The following UBAC2 variants were observed in gnomAD, a reference collection of about 807,000 sequenced individuals.
The protein encoded by UBAC2 is ubiquitin-associated domain-containing protein 2.
In UBAC2, 26 loss-of-function variants were observed where a neutral mutation model predicts 44.0. That is an observed-to-expected ratio of 0.59 (90% confidence interval 0.43 to 0.82). The LOEUF is 0.82. Among genes scored for constraint, UBAC2 ranks in the 40% least tolerant of loss-of-function variants. The pLI, the probability that UBAC2 is intolerant of heterozygous loss-of-function variation, is 0.00. For synonymous variants in UBAC2, 155 were observed against 154.3 expected, an observed-to-expected ratio of 1.00 and a Z score of -0.04; for missense variants, 329 against 419.4, an observed-to-expected ratio of 0.78 and a Z score of 1.88.
At chr13:99,356,656 C>G (rs1566519796) in intron 7 of UBAC2, among the ~76,000 whole-genome samples, 1 of 152,188 alleles carries the variant, frequency 6.6e-6, no homozygotes, top group Non-Finnish European at 1.5e-5. Flanking sequence ...CCTACTGAGA[C>G]TACTGCTAAG....
At chr13:99,338,079 A>T (rs2044826850) in intron 6 of UBAC2, among the ~76,000 whole-genome samples, 1 of 46,474 alleles carries the variant, frequency 2.2e-5, no homozygotes, top group Non-Finnish European at 3.7e-5. Flanking sequence ...TTTTTTTGAG[A>T]CAGAGTCTCA....
intron 6 of UBAC2, among the ~76,000 whole-genome samples, chr13:99,325,098 C>CTTTTTTT (rs55672515): frequency 1.0e-4 from 9 of 86,140 alleles, no homozygotes; most frequent in South Asian, 4.4e-4. Context: ...TGTCTATGCT[C>CTTTTTTT]TTTTTTTTTT....
In UBAC2 at chr13:99,295,387, A is replaced by C; in HGVS notation, c.390-18710A>C. On this transcript the variant is annotated intron_variant, in intron 4 of 8. Transcript: ENST00000403766. The surrounding 1 kb of genome is among the most constrained non-coding windows in gnomAD (Gnocchi z 4.1). ...CATGGTAAGGTGTGAAACAGAGAAC[A>C]AACACAACAATAATAAGAATAATTG... is the stretch of plus-strand genomic sequence containing the variant. The C allele has an allele frequency of 6.2e-7, 1 of 1,614,164 alleles. No individual in the cohort carries two copies. The highest frequency in any genetic ancestry group is 8.5e-7 in the Non-Finnish European group (1 of 1,179,996).
At chr13:99,326,735 C>G (rs943309709) in intron 6 of UBAC2, among the ~76,000 whole-genome samples, 3 of 152,114 alleles carry the variant, frequency 2.0e-5, no homozygotes, top group East Asian at 1.9e-4. Context: ...GTGTTCTGCT[C>G]CAGGCCCAGT....
chr13:99,318,771 G>A (rs1004854394), intron 6 of UBAC2, among the ~76,000 whole-genome samples: 15 of 146,736 alleles, frequency 1.0e-4, no homozygotes, highest in Non-Finnish European at 1.6e-4. Flanking sequence ...GCAGTGAGCC[G>A]AGGTGGCGCC....
At chr13:99,368,718 T>TGTGTAC (rs1221258145) in intron 8 of UBAC2, among the ~76,000 whole-genome samples, 3 of 151,972 alleles carry the variant, frequency 2.0e-5, no homozygotes, top group African/African-American at 7.3e-5. Context: ...TGTGTGTGTG[T>TGTGTAC]GTGTGTGTAC....
chr13:99,367,713 G>C, intron 7 of UBAC2, 74 bp from the exon 8 acceptor site: 1 of 1,595,312 alleles, frequency 6.3e-7, no homozygotes, highest in Non-Finnish European at 8.6e-7. Flanking sequence ...ACTGCATTGA[G>C]AGAAAGCTCT....
chr13:99,213,453 C>T (rs180814260), intron 1 of UBAC2, among the ~76,000 whole-genome samples: 1 of 151,350 alleles, frequency 6.6e-6, no homozygotes, highest in East Asian at 2.0e-4. Flanking sequence ...TGCTGCCTCC[C>T]GGGTTCAAGT....
At chr13:99,316,999 A>G (rs1418711170) in intron 5 of UBAC2, among the ~76,000 whole-genome samples, 1 of 152,228 alleles carries the variant, frequency 6.6e-6, no homozygotes, top group Non-Finnish European at 1.5e-5. Flanking sequence ...TATCAGAGTC[A>G]TTTCCACTGA....
chr13:99,306,554 C>A (rs550253568), intron 4 of UBAC2, among the ~76,000 whole-genome samples: 1 of 152,028 alleles, frequency 6.6e-6, no homozygotes, highest in Non-Finnish European at 1.5e-5. Context: ...TATATAAAAC[C>A]CTCACTGCCC....
At chr13:99,217,057 C>G (rs892653403) in intron 1 of UBAC2, among the ~76,000 whole-genome samples, 1 of 152,128 alleles carries the variant, frequency 6.6e-6, no homozygotes, top group African/African-American at 2.4e-5. Flanking sequence ...TCTCGAACAC[C>G]TGACCTTGGG....
At chr13:99,244,005 T>G in intron 3 of UBAC2, 54 bp downstream of exon 3, 1 of 1,361,744 alleles carries the variant, frequency 7.3e-7, no homozygotes, top group Non-Finnish European at 9.8e-7. Context: ...AAAAATTTTG[T>G]TTAAATGGAT....
intron 4 of UBAC2, among the ~76,000 whole-genome samples, chr13:99,270,846 G>A (rs957207770): frequency 2.0e-5 from 3 of 152,192 alleles, no homozygotes; most frequent in Admixed American, 1.3e-4. Context: ...CCAAAGTGAG[G>A]AAGAGAATAG....
intron 4 of UBAC2, among the ~76,000 whole-genome samples, chr13:99,267,621 T>TTGC (rs1447960041): frequency 1.3e-5 from 2 of 152,236 alleles, no homozygotes; most frequent in Non-Finnish European, 2.9e-5. Flanking sequence ...AGCCTTCCAC[T>TTGC]TGCTACTGCT....
intron 8 of UBAC2, chr13:99,377,047 C>CTT (rs914137549): frequency 6.6e-6 from 1 of 152,394 alleles, no homozygotes; most frequent in Non-Finnish European, 1.5e-5. Context: ...CTAGCACAGT[C>CTT]TTTTCCAGAG....
At chr13:99,273,412 C>T (rs1165194294) in intron 4 of UBAC2, among the ~76,000 whole-genome samples, 1 of 152,118 alleles carries the variant, frequency 6.6e-6, no homozygotes, top group East Asian at 1.9e-4. Flanking sequence ...GGTGAGGTTC[C>T]AGAGGTGTCT....
chr13:99,299,461 C>G (rs1566491812), intron 4 of UBAC2, among the ~76,000 whole-genome samples: 1 of 150,134 alleles, frequency 6.7e-6, no homozygotes, highest in East Asian at 1.9e-4. Context: ...CACACACACA[C>G]GCACACACAC....
chr13:99,315,851 G>A (rs989660187), intron 5 of UBAC2, among the ~76,000 whole-genome samples: 2 of 151,844 alleles, frequency 1.3e-5, no homozygotes, highest in Non-Finnish European at 2.9e-5. Context: ...TTCATCTCTC[G>A]GGGAAAGGGG....
intron 7 of UBAC2, among the ~76,000 whole-genome samples, chr13:99,353,331 T>C (rs1319123995): frequency 6.6e-6 from 1 of 152,264 alleles, no homozygotes; most frequent in Non-Finnish European, 1.5e-5. Context: ...TTTCCAGTGC[T>C]TTTGTAGTTG....
Sources: allele counts gnomAD v4.1 joint callset (sites outside exome capture counted in the v4.1 genomes callset), GRCh38; gene constraint gnomAD v4.1.1; non-coding constraint Gnocchi (gnomAD v3.1); transcripts MANE v1.5; gene names NCBI Gene and HGNC (gene_info 2026-07-23, HGNC 2026-07-21).